The following HIBADH variants were observed in gnomAD, a reference collection of about 807,000 sequenced individuals.
HIBADH encodes 3-hydroxyisobutyrate dehydrogenase, mitochondrial.
HIBADH carries 25 observed loss-of-function variants against 36.1 expected under a neutral mutation model. The ratio of observed to expected loss-of-function variants is 0.69; its 90% CI spans 0.50 to 0.97. The LOEUF is 0.97. Ranked by LOEUF, HIBADH falls within the 50% of genes least tolerant of loss-of-function variation. HIBADH has a pLI of 0.00. For synonymous variants in HIBADH, 160 were observed against 149.5 expected (o/e 1.07, Z -0.51); for missense variants, 421 against 418.0 (o/e 1.01, Z -0.06).
chr7:27,588,128 T>C (rs1784889850), intron 4 of HIBADH, among the ~76,000 whole-genome samples: 1 of 152,216 alleles, frequency 6.6e-6, no homozygotes, highest in African/African-American at 2.4e-5. Context: ...AACTGTTGAT[T>C]ACAAAACTAA....
chr7:27,576,856 A>G (rs1175887632), intron 4 of HIBADH, among the ~76,000 whole-genome samples: 2 of 152,134 alleles, frequency 1.3e-5, no homozygotes, highest in African/African-American at 4.8e-5. Context: ...TGACTTCACT[A>G]ATTCTTTACT....
At chr7:27,593,214 G>A (rs1244549712) in intron 4 of HIBADH, among the ~76,000 whole-genome samples, 1 of 152,160 alleles carries the variant, frequency 6.6e-6, no homozygotes, top group Non-Finnish European at 1.5e-5. Context: ...TGAGCATCAT[G>A]TCAGCCCTCA....
At chr7:27,594,860 AAC>A (rs1464633892) in intron 4 of HIBADH, among the ~76,000 whole-genome samples, 1 of 152,240 alleles carries the variant, frequency 6.6e-6, no homozygotes, top group Non-Finnish European at 1.5e-5. Context: ...AGGGTAAAAA[AAC>A]AGACTTTCAT....
chr7:27,567,865 A>AT (rs942754089), intron 4 of HIBADH, among the ~76,000 whole-genome samples: 3 of 151,876 alleles, frequency 2.0e-5, no homozygotes, highest in Admixed American at 6.6e-5. Context: ...TTGCCTTACG[A>AT]TTTTTTTTGA....
chr7:27,595,963 A>G (rs747844020), intron 4 of HIBADH, among the ~76,000 whole-genome samples: 10 of 152,230 alleles, frequency 6.6e-5, no homozygotes, highest in Non-Finnish European at 1.3e-4. Flanking sequence ...ATTAGACTAG[A>G]AAAGAAATGT....
chr7:27,590,392 G>A (rs939070103), intron 4 of HIBADH, among the ~76,000 whole-genome samples: 1 of 152,122 alleles, frequency 6.6e-6, no homozygotes, highest in African/African-American at 2.4e-5. Flanking sequence ...TAATTGTTCT[G>A]CTGCCCATCA....
intron 6 of HIBADH, among the ~76,000 whole-genome samples, chr7:27,534,126 A>G (rs188428315): frequency 6.6e-6 from 1 of 152,342 alleles, no homozygotes; most frequent in East Asian, 1.9e-4. Flanking sequence ...AGAATTTTAA[A>G]TGAGGTTTGG....
chr7:27,629,167 CTTTT>C (rs371619368), intron 4 of HIBADH, among the ~76,000 whole-genome samples, 200 bp downstream of exon 4: 6 of 151,870 alleles, frequency 4.0e-5, no homozygotes, highest in Non-Finnish European at 7.4e-5. Context: ...AGTTATGACA[CTTTT>C]TTATCTGAAT....
At chr7:27,610,137 C>T (rs751197255) in intron 4 of HIBADH, among the ~76,000 whole-genome samples, 1 of 152,066 alleles carries the variant, frequency 6.6e-6, no homozygotes, top group Non-Finnish European at 1.5e-5. Flanking sequence ...CTTTAAAATA[C>T]ATAATAGTAC....
At chr7:27,554,914 G>C (rs892862262) in intron 4 of HIBADH, among the ~76,000 whole-genome samples, 5 of 152,306 alleles carry the variant, frequency 3.3e-5, no homozygotes, top group African/African-American at 1.2e-4. Context: ...ACAATGAGTT[G>C]AGTATGGTCC....
At chr7:27,554,829 C>T (rs1392412212) in intron 4 of HIBADH, among the ~76,000 whole-genome samples, 1 of 152,148 alleles carries the variant, frequency 6.6e-6, no homozygotes, top group Non-Finnish European at 1.5e-5. Flanking sequence ...TTATCTCTTT[C>T]ATGTGAAAAT....
chr7:27,591,481 G>T (rs1004997782), intron 4 of HIBADH, among the ~76,000 whole-genome samples: 7 of 152,042 alleles, frequency 4.6e-5, no homozygotes, highest in Admixed American at 3.9e-4. Context: ...AACCCGGGAG[G>T]CGGAGGTTGC....
rs186335915 is a variant in HIBADH, at chr7:27,588,060, C to T, written c.484+41311G>A. On this transcript the variant is annotated intron_variant, in intron 4 of 7. Coordinates refer to ENST00000265395, the MANE Select transcript of HIBADH (RefSeq NM_152740.4). ...ACACAGTGATATCTGGACATCAGTC[C>T]CCAAGAAATGTTTCTAATGCACAAA... Among the ~76,000 whole-genome samples the T allele has an allele frequency of 3.7e-3, 564 of 152,208 alleles. 1 individual carries two copies. Among genetic ancestry groups the T allele is most frequent in the African/African-American group, 0.013 (543 of 41,532 alleles).
At chr7:27,542,801 C>T (rs1160197241) in intron 5 of HIBADH, among the ~76,000 whole-genome samples, 166 bp downstream of exon 5, 1 of 151,830 alleles carries the variant, frequency 6.6e-6, no homozygotes, top group African/African-American at 2.4e-5. Flanking sequence ...CTGCTTAAGC[C>T]CACCAGGAAT....
At chr7:27,537,251 G>A (rs1453583223) in intron 6 of HIBADH, among the ~76,000 whole-genome samples, 1 of 152,134 alleles carries the variant, frequency 6.6e-6, no homozygotes, top group Admixed American at 6.6e-5. Context: ...ACCAATTAGT[G>A]CTGACGCAAA....
intron 5 of HIBADH, among the ~76,000 whole-genome samples, chr7:27,540,333 C>T (rs1415813411): frequency 2.0e-5 from 3 of 152,132 alleles, no homozygotes; most frequent in Non-Finnish European, 4.4e-5. Context: ...TGTTCAGAAG[C>T]ACTCATCTCC....
chr7:27,565,215 G>A (rs973559140), intron 4 of HIBADH, among the ~76,000 whole-genome samples: 35 of 152,196 alleles, frequency 2.3e-4, no homozygotes, highest in African/African-American at 7.5e-4. Context: ...AACTAGCCAA[G>A]CCTAAGCCTG....
chr7:27,563,284 C>G (rs559893587), intron 4 of HIBADH, among the ~76,000 whole-genome samples: 1 of 152,136 alleles, frequency 6.6e-6, no homozygotes, highest in Non-Finnish European at 1.5e-5. Context: ...GGAGGTTACA[C>G]GGTTTGTTTA....
In HIBADH at chr7:27,526,345, T is replaced by C. The variant is rs768130372; in HGVS notation, c.880A>G (p.Thr294Ala). The C allele has an allele frequency of 3.1e-6, 5 of 1,612,904 alleles. No homozygotes were observed. The highest frequency in any genetic ancestry group is 3.3e-5 in the Admixed American group (2 of 59,900). ...KDLGLAQDSA[T>A]STKSPILLGS... The stretch of plus-strand genomic sequence containing the variant: ...AGAAGGATTGGGCTCTTTGTGCTGG[T>C]AGCAGAGTCTTGTGCCAATCCCAGA... The change falls in exon 8 of 8, where the codon ACC (threonine) becomes GCC (alanine). Residue 294 changes from threonine to alanine, a missense_variant. Thr to Ala is a moderately conservative substitution (Grantham distance 58). Coordinates refer to ENST00000265395, the MANE Select transcript of HIBADH (RefSeq NM_152740.4).
Sources: allele counts gnomAD v4.1 joint callset (sites outside exome capture counted in the v4.1 genomes callset), GRCh38; gene constraint gnomAD v4.1.1; transcripts MANE v1.5; gene names NCBI Gene and HGNC (gene_info 2026-07-23, HGNC 2026-07-21).